Variants in R3HCC1L observed in about 807,000 individuals in gnomAD.
The protein encoded by R3HCC1L is coiled-coil domain-containing protein R3HCC1L.
A neutral mutation model predicts 59.9 loss-of-function variants in R3HCC1L; 51 were observed. The ratio of observed to expected loss-of-function variants is 0.85; its 90% confidence interval spans 0.68 to 1.07. The LOEUF is 1.07. R3HCC1L is among the 50% of genes least tolerant of loss of function. R3HCC1L has a pLI of 0.00. For synonymous variants in R3HCC1L, 322 were observed against 315.2 expected (o/e 1.02, Z -0.23); for missense variants, 965 against 933.0 (o/e 1.03, Z -0.45).
At chr10:98,222,148 G>A (rs1340541355) in intron 5 of R3HCC1L, among the ~76,000 whole-genome samples, 1 of 152,152 alleles carries the variant, frequency 6.6e-6, no homozygotes, top group Non-Finnish European at 1.5e-5. Flanking sequence ...GCAATTGTGA[G>A]TGGGAGTTCA....
chr10:98,145,634 T>C (rs1417185354), intron 1 of R3HCC1L, among the ~76,000 whole-genome samples: 1 of 152,214 alleles, frequency 6.6e-6, no homozygotes, highest in African/African-American at 2.4e-5. Flanking sequence ...TGAAACTGCT[T>C]TTAGAACCTG....
chr10:98,170,578 G>A (rs1298930913), intron 4 of R3HCC1L, among the ~76,000 whole-genome samples: 2 of 152,116 alleles, frequency 1.3e-5, no homozygotes, highest in Admixed American at 6.5e-5. Flanking sequence ...CTCCCACCTC[G>A]GCTTCCCAGA....
In R3HCC1L at chr10:98,160,989, A is replaced by G. The variant is rs564317650; in HGVS notation, c.-212-1894A>G. Reference sequence around the variant, plus strand: ...TTTTGAATTTACAAAAAGTGCTGCAACTTTGTCCATATGTATTTTGGTATG... The same window carrying G: ...TTTTGAATTTACAAAAAGTGCTGCAGCTTTGTCCATATGTATTTTGGTATG... On this transcript the variant is annotated intron_variant, in intron 2 of 9. Transcript: ENST00000298999. Among the ~76,000 whole-genome samples the G allele has an allele frequency of 1.4e-4, 22 of 152,350 alleles. No individual in the cohort carries two copies. The South Asian group carries it at 4.6e-3, about 32-fold the overall frequency.
intron 4 of R3HCC1L, among the ~76,000 whole-genome samples, chr10:98,175,643 T>G (rs550252727): frequency 6.6e-6 from 1 of 152,176 alleles, no homozygotes; most frequent in African/African-American, 2.4e-5. Context: ...TTAAATTATT[T>G]TGTTGTTTTT....
intron 4 of R3HCC1L, among the ~76,000 whole-genome samples, chr10:98,179,184 A>G (rs1026915323): frequency 4.6e-5 from 7 of 152,166 alleles, no homozygotes; most frequent in East Asian, 1.9e-4. Context: ...ATTCAGTATG[A>G]TATTGGCTGT....
intron 5 of R3HCC1L, among the ~76,000 whole-genome samples, chr10:98,222,714 A>G (rs1366315605): frequency 2.0e-5 from 3 of 152,200 alleles, no homozygotes; most frequent in African/African-American, 4.8e-5. Context: ...CCAGCCTTGC[A>G]TCCAAAAACC....
At chr10:98,183,228 A>C (rs1251796735) in intron 4 of R3HCC1L, among the ~76,000 whole-genome samples, 1 of 151,988 alleles carries the variant, frequency 6.6e-6, no homozygotes, top group African/African-American at 2.4e-5. Flanking sequence ...ATATATTTTC[A>C]TGGATATAGA....
chr10:98,152,861 C>A (rs1189088237), intron 1 of R3HCC1L, among the ~76,000 whole-genome samples: 1 of 151,336 alleles, frequency 6.6e-6, no homozygotes, highest in East Asian at 2.0e-4. Context: ...AAGTGAGGAG[C>A]GTCTCCGCCC....
At chr10:98,212,040 A>G (rs1048684141) in intron 5 of R3HCC1L, among the ~76,000 whole-genome samples, 2 of 152,068 alleles carry the variant, frequency 1.3e-5, no homozygotes, top group Non-Finnish European at 2.9e-5. Flanking sequence ...TTATGTTTGG[A>G]GGTACTTGGA....
intron 4 of R3HCC1L, among the ~76,000 whole-genome samples, chr10:98,204,945 C>A (rs961954890): frequency 6.6e-6 from 1 of 152,042 alleles, no homozygotes; most frequent in African/African-American, 2.4e-5. Flanking sequence ...TCCTGACAGT[C>A]CACAAGAATG....
intron 4 of R3HCC1L, among the ~76,000 whole-genome samples, chr10:98,184,187 G>A (rs1221515048): frequency 6.6e-6 from 1 of 151,976 alleles, no homozygotes; most frequent in Non-Finnish European, 1.5e-5. Context: ...GTTTGTCAGA[G>A]AGTTTTTCTT....
chr10:98,198,685 A>G (rs1389894762), intron 4 of R3HCC1L, among the ~76,000 whole-genome samples: 3 of 152,142 alleles, frequency 2.0e-5, no homozygotes, highest in Non-Finnish European at 4.4e-5. Context: ...CCTTTAAAAA[A>G]ATCATTATGA....
At chr10:98,217,520 A>G (rs1295676808) in intron 5 of R3HCC1L, among the ~76,000 whole-genome samples, 1 of 152,092 alleles carries the variant, frequency 6.6e-6, no homozygotes, top group Non-Finnish European at 1.5e-5. Context: ...TTCCATTCAA[A>G]TTTTAGTATT....
rs1435266438 is a variant in R3HCC1L at position 98,236,115 on chromosome 10, G to C, written c.2220G>C (p.Gln740His). The C allele has an allele frequency of 2.5e-6, 4 of 1,613,964 alleles. No homozygotes were observed. Among genetic ancestry groups the C allele is most frequent in the South Asian group, 2.2e-5 (2 of 91,080 alleles). The change falls in exon 9 of 10, where the codon CAG (glutamine) becomes CAC (histidine). Residue 740 changes from glutamine to histidine, a missense_variant. By Grantham distance (24) the Gln-to-His change is conservative. Transcript: ENST00000298999. Reference protein sequence around the residue: ...VISALGVRSKQSKTEREAELK... With the variant: ...VISALGVRSKHSKTEREAELK... ...GTGCCCTTGGGGTTCGAAGTAAGCA[G>C]AGCAAAACCGAACGAGAAGCAGAGC...
At chr10:98,184,710 T>C (rs751041248) in intron 4 of R3HCC1L, among the ~76,000 whole-genome samples, 28 of 152,230 alleles carry the variant, frequency 1.8e-4, no homozygotes, top group Non-Finnish European at 3.8e-4. Flanking sequence ...ATTTTTCCAG[T>C]CTCCATTTTA....
intron 5 of R3HCC1L, among the ~76,000 whole-genome samples, 195 bp from the exon 6 acceptor site, chr10:98,231,317 T>C (rs1373872673): frequency 6.6e-6 from 1 of 152,190 alleles, no homozygotes; most frequent in Non-Finnish European, 1.5e-5. Context: ...AACAGTTCCA[T>C]ATGTATAGTA....
chr10:98,183,289 C>G (rs1272484886), intron 4 of R3HCC1L, among the ~76,000 whole-genome samples: 1 of 148,624 alleles, frequency 6.7e-6, no homozygotes, highest in Non-Finnish European at 1.5e-5. Context: ...GTCTGACTTT[C>G]AAAATTTCTG....
chr10:98,195,102 A>G (rs528267156), intron 4 of R3HCC1L, among the ~76,000 whole-genome samples: 9 of 152,306 alleles, frequency 5.9e-5, no homozygotes, highest in African/African-American at 2.2e-4. Context: ...TAAAGAAAAT[A>G]TGGCATGTAC....
chr10:98,187,232 A>G (rs1850309442), intron 4 of R3HCC1L, among the ~76,000 whole-genome samples: 1 of 151,746 alleles, frequency 6.6e-6, no homozygotes, highest in African/African-American at 2.4e-5. Context: ...TATTTGCATT[A>G]TATTTAACAG....
Sources: allele counts gnomAD v4.1 joint callset (sites outside exome capture counted in the v4.1 genomes callset), GRCh38; gene constraint gnomAD v4.1.1; transcripts MANE v1.5; gene names NCBI Gene and HGNC (gene_info 2026-07-23, HGNC 2026-07-21).